The following SPIN1 variants were observed in gnomAD, a reference collection of about 807,000 sequenced individuals.
The protein encoded by SPIN1 is spindlin 1.
A neutral mutation model predicts 26.0 loss-of-function variants in SPIN1; 3 were observed. That is an observed-to-expected ratio of 0.12 (90% CI 0.05 to 0.30). The LOEUF (loss-of-function observed/expected upper bound fraction) is 0.30, where lower values mean the gene tolerates loss of function less well. SPIN1 is among the 10% of genes least tolerant of loss of function. The pLI is 1.00. For missense variants in SPIN1, 126 were observed against 333.4 expected, an observed-to-expected ratio of 0.38 and a Z score of 4.84; for synonymous variants, 101 against 116.5, an observed-to-expected ratio of 0.87 and a Z score of 0.86.
At chr9:88,438,800 T>C in intron 2 of SPIN1, among the ~76,000 whole-genome samples, 1 of 152,190 alleles carries the variant, frequency 6.6e-6, no homozygotes, top group East Asian at 1.9e-4. Context: ...GTGATGAAGA[T>C]GACATTAATA....
chr9:88,442,523 C>T (rs1828157477), intron 2 of SPIN1, among the ~76,000 whole-genome samples: 1 of 151,770 alleles, frequency 6.6e-6, no homozygotes, highest in African/African-American at 2.4e-5. Flanking sequence ...CCTGCCTCAG[C>T]CTCCCGAGTA....
At chr9:88,404,981 C>A (rs934332177) in intron 1 of SPIN1, among the ~76,000 whole-genome samples, 7 of 151,652 alleles carry the variant, frequency 4.6e-5, no homozygotes, top group Non-Finnish European at 1.0e-4. Context: ...CTGTCTTCCA[C>A]CTCGGCATCT....
intron 2 of SPIN1, among the ~76,000 whole-genome samples, chr9:88,436,803 C>T (rs1444481109): frequency 9.3e-5 from 11 of 118,440 alleles, no homozygotes; most frequent in South Asian, 3.0e-4. Context: ...CTCGCTCTGT[C>T]GCCCAGGCTG....
intron 3 of SPIN1, among the ~76,000 whole-genome samples, chr9:88,457,349 C>T (rs987022785): frequency 3.3e-5 from 5 of 151,860 alleles, no homozygotes; most frequent in Non-Finnish European, 5.9e-5. Context: ...ACCAACATGG[C>T]GAAACCCTGT....
intron 1 of SPIN1, chr9:88,410,891 G>T: frequency 1.0e-6 from 1 of 978,330 alleles, no homozygotes; most frequent in Non-Finnish European, 1.6e-6. Context: ...TCTTTGGCTG[G>T]ATGAAGCACT....
intron 1 of SPIN1, among the ~76,000 whole-genome samples, chr9:88,421,460 C>T (rs1001597373): frequency 6.6e-6 from 1 of 152,034 alleles, no homozygotes. Context: ...CAGATGTGCA[C>T]CACCACCCAC....
At chr9:88,419,650 A>G (rs187337391) in intron 1 of SPIN1, among the ~76,000 whole-genome samples, 9 of 152,388 alleles carry the variant, frequency 5.9e-5, no homozygotes, top group African/African-American at 1.7e-4. Context: ...TTCTTATGAA[A>G]AATTTGAACT....
At chr9:88,406,038 TGTGTAC>T (rs1554691973) in intron 1 of SPIN1, among the ~76,000 whole-genome samples, 10 of 148,416 alleles carry the variant, frequency 6.7e-5, no homozygotes, top group African/African-American at 2.0e-4. Flanking sequence ...TGTGTGTGTG[TGTGTAC>T]GTGTACGTGT....
intron 1 of SPIN1, chr9:88,410,379 A>G (rs1827416943): frequency 6.1e-6 from 3 of 489,284 alleles, no homozygotes; most frequent in South Asian, 3.9e-5. Flanking sequence ...TTTTTTGCCC[A>G]TATACATGAG....
chr9:88,458,945 A>G (rs1346284242), intron 3 of SPIN1, among the ~76,000 whole-genome samples: 1 of 152,210 alleles, frequency 6.6e-6, no homozygotes, highest in African/African-American at 2.4e-5. Flanking sequence ...ATTCCAGCTA[A>G]AAAATGCTTT....
intron 2 of SPIN1, among the ~76,000 whole-genome samples, chr9:88,427,092 G>A (rs1021544274): frequency 1.3e-5 from 2 of 152,024 alleles, no homozygotes; most frequent in Non-Finnish European, 1.5e-5. Flanking sequence ...GATTTTTAGC[G>A]TGCCTGCCCC....
chr9:88,454,580 T>G (rs1211440491), intron 3 of SPIN1, among the ~76,000 whole-genome samples: 1 of 152,224 alleles, frequency 6.6e-6, no homozygotes, highest in Non-Finnish European at 1.5e-5. Flanking sequence ...ATAAATAACT[T>G]TTTACTGTGG....
chr9:88,404,158 C>A lies in SPIN1; in HGVS notation c.-159+15620C>A, dbSNP rs146185017. Among the ~76,000 whole-genome samples the A allele has an allele frequency of 2.7e-3, 413 of 152,278 alleles. 3 individuals are homozygous for A. Among genetic ancestry groups the A allele is most frequent in the African/African-American group, 9.2e-3 (384 of 41,566 alleles). On this transcript the variant is annotated intron_variant, in intron 1 of 5. Transcript: ENST00000375859. ...TATAAAAGATACAGAAATGGTCCAC[C>A]TGTATTAGGGCACTTACCATGAATG... is the stretch of plus-strand genomic sequence containing the variant.
At chr9:88,406,586 C>G (rs991588324) in intron 1 of SPIN1, among the ~76,000 whole-genome samples, 1 of 152,116 alleles carries the variant, frequency 6.6e-6, no homozygotes, top group East Asian at 1.9e-4. Flanking sequence ...GCCACTGTGC[C>G]CAGCCAGTAT....
intron 3 of SPIN1, among the ~76,000 whole-genome samples, chr9:88,451,489 G>A (rs138335402): frequency 1.3e-5 from 2 of 152,160 alleles, no homozygotes; most frequent in African/African-American, 4.8e-5. Context: ...GGTGAAACTG[G>A]TGGATACACC....
intron 3 of SPIN1, among the ~76,000 whole-genome samples, chr9:88,449,308 A>G (rs893139723): frequency 6.6e-6 from 1 of 151,952 alleles, no homozygotes; most frequent in Non-Finnish European, 1.5e-5. Flanking sequence ...TGCCTGTGTG[A>G]GCCTTGCGTG....
At chr9:88,409,496 T>G (rs1827391677) in intron 1 of SPIN1, among the ~76,000 whole-genome samples, 1 of 152,042 alleles carries the variant, frequency 6.6e-6, no homozygotes, top group Non-Finnish European at 1.5e-5. Context: ...ATAGGCAGTC[T>G]GGGAACACCG....
intron 1 of SPIN1, among the ~76,000 whole-genome samples, chr9:88,401,719 A>G (rs536386031): frequency 6.6e-6 from 1 of 152,328 alleles, no homozygotes; most frequent in Non-Finnish European, 1.5e-5. Flanking sequence ...AGCTGAAGGG[A>G]TAAGAGGCCA....
At chr9:88,393,900 T>A (rs549279488) in intron 1 of SPIN1, among the ~76,000 whole-genome samples, 2 of 152,060 alleles carry the variant, frequency 1.3e-5, no homozygotes, top group Non-Finnish European at 2.9e-5. Flanking sequence ...CAGGCTGGAG[T>A]GCAGTGGTGT....
Sources: gnomAD v4.1 joint callset for allele counts (sites outside exome capture counted in the v4.1 genomes callset) on GRCh38, gnomAD v4.1.1 for gene constraint, MANE v1.5 for transcripts, NCBI Gene and HGNC (gene_info 2026-07-23, HGNC 2026-07-21) for gene names.